NSRP1: variants seen among roughly 807,000 people sequenced by gnomAD.
NSRP1 encodes coiled-coil domain containing 55.
In NSRP1, 24 loss-of-function variants were observed where a neutral mutation model predicts 54.7. That is an observed-to-expected ratio of 0.44 (90% CI 0.32 to 0.62). NSRP1 has a LOEUF of 0.62. Ranked by LOEUF, NSRP1 falls within the 20% of genes least tolerant of loss-of-function variation. The pLI, the probability that NSRP1 is intolerant of heterozygous loss-of-function variation, is 0.06. For missense variants in NSRP1, 596 were observed against 651.2 expected (o/e 0.92, Z 0.92); for synonymous variants, 210 against 213.8 (o/e 0.98, Z 0.15).
chr17:30,185,816 A>T lies in NSRP1; in HGVS notation c.*142A>T. The T allele has an allele frequency of 1.1e-6, 1 of 880,648 alleles. No individual in the cohort carries two copies. Among genetic ancestry groups the T allele is most frequent in the South Asian group, 2.2e-5 (1 of 46,094 alleles). 54.6% of individuals were successfully genotyped at this position (880,648 alleles called of 1,614,324 possible). Reference sequence around the variant, plus strand: ...TTTTCAAAATTTTAAGTTAAAAGTCAGTCTTACAGCTTGGATGTTTGGATG... The same window carrying T: ...TTTTCAAAATTTTAAGTTAAAAGTCTGTCTTACAGCTTGGATGTTTGGATG... On this transcript the variant is annotated 3_prime_UTR_variant, in exon 7 of 7. Coordinates refer to ENST00000247026, the MANE Select transcript of NSRP1 (RefSeq NM_032141.4).
At position 30,147,929 on chromosome 17, in the gene NSRP1, A is replaced by G. The variant is rs987985316; in HGVS notation, c.115-24613A>G. Among the ~76,000 whole-genome samples, 5 of 151,404 alleles carry G rather than the reference A, an allele frequency of 3.3e-5. No individual in the cohort carries two copies. In the South Asian group the frequency reaches 1.0e-3, roughly 32 times the overall value. On this transcript the variant is annotated intron_variant, in intron 2 of 6. Transcript: ENST00000247026. ...CGGGTTCAAGCAATTCTCCTGTCCC[A>G]GCCTCCCGAGTAGCTGGGATTGCAG...
intron 2 of NSRP1, among the ~76,000 whole-genome samples, chr17:30,161,383 T>C (rs75481985): frequency 0.023 from 3,529 of 152,296 alleles, 132 homozygotes; most frequent in African/African-American, 0.081. Context: ...GTGGATCTGC[T>C]TTGCACTGTA....
chr17:30,120,021 A>G (rs1411899952), intron 2 of NSRP1, among the ~76,000 whole-genome samples: 2 of 152,096 alleles, frequency 1.3e-5, no homozygotes, highest in African/African-American at 4.8e-5. Flanking sequence ...CTCTCTCCCA[A>G]AAGGCTTTCC....
intron 3 of NSRP1, among the ~76,000 whole-genome samples, chr17:30,173,008 G>C (rs1256494881): frequency 6.6e-6 from 1 of 150,858 alleles, no homozygotes; most frequent in Non-Finnish European, 1.5e-5. Flanking sequence ...CTGTTGCCCA[G>C]GCTGGAGTGC....
rs1265855184 is a variant in NSRP1, at chr17:30,185,652, A to G, written c.1655A>G (p.Tyr552Cys). Residue 552 changes from tyrosine (Y) to cysteine (C), a missense_variant, in exon 7 of 7, where the codon TAT becomes TGT. Transcript: ENST00000247026. The part of the protein sequence containing the change: ...RQMARVNAKT[Y>C]IEKEDD ...ATGGCGCGGGTTAATGCAAAGACCT[A>G]TATTGAGAAAGAAGATGATTGATGG... 11 of 1,584,236 alleles carry G rather than the reference A, an allele frequency of 6.9e-6. No individual in the cohort carries two copies. The highest frequency in any genetic ancestry group is 5.8e-5 in the Admixed American group (3 of 51,632).
chr17:30,147,821 T>G (rs1238349764), intron 2 of NSRP1, among the ~76,000 whole-genome samples: 1 of 151,854 alleles, frequency 6.6e-6, no homozygotes, highest in East Asian at 1.9e-4. Flanking sequence ...AACTTTTTTT[T>G]TTTTTTTGAG....
chr17:30,152,128 A>AT (rs917535560), intron 2 of NSRP1, among the ~76,000 whole-genome samples: 65 of 133,940 alleles, frequency 4.9e-4, no homozygotes, highest in South Asian at 4.7e-3. Flanking sequence ...ATTTGAAATA[A>AT]TTTTTTTTTT....
In NSRP1 at chr17:30,184,728, C is replaced by T. The variant is rs752326325; in HGVS notation, c.731C>T (p.Pro244Leu). The T allele has an allele frequency of 5.0e-6, 8 of 1,613,766 alleles. No individual in the cohort carries two copies. The East Asian group carries it at 1.6e-4, about 31-fold the overall frequency. The change falls in exon 7 of 7, where the codon CCA becomes CTA. Residue 244 changes from proline to leucine, a missense_variant. By Grantham distance (98) the Pro-to-Leu change is moderately conservative (BLOSUM62 -3). Coordinates refer to ENST00000247026, the MANE Select transcript of NSRP1 (RefSeq NM_032141.4). Reference sequence around the variant, plus strand: ...ACTGATGTGAAAGTAGAGGAAAACCCAGATGCAGACAGTGACTTCGATGCT... The same window carrying T: ...ACTGATGTGAAAGTAGAGGAAAACCTAGATGCAGACAGTGACTTCGATGCT... The part of the protein sequence containing the change: ...LQTDVKVEEN[P>L]DADSDFDAKS...
chr17:30,117,493 C>T (rs2071547905), intron 1 of NSRP1: 1 of 418,484 alleles, frequency 2.4e-6, no homozygotes, highest in South Asian at 8.3e-5. Flanking sequence ...GGAGTTGGAT[C>T]TGATGGGATG....
intron 2 of NSRP1, among the ~76,000 whole-genome samples, chr17:30,149,337 A>G (rs563466627): frequency 1.3e-5 from 2 of 152,272 alleles, no homozygotes; most frequent in Admixed American, 6.5e-5. Flanking sequence ...GGTTTGAGCT[A>G]CTGCACCTGG....
In NSRP1 at chr17:30,185,613, A is replaced by G; in HGVS notation, c.1616A>G (p.Tyr539Cys). Reference protein sequence around the residue: ...EETVMSARDRYLARQMARVNA... With the variant: ...EETVMSARDRCLARQMARVNA... ...ACTGTAATGTCAGCTAGAGACAGGT[A>G]CTTGGCCAGGCAGATGGCGCGGGTT... Residue 539 changes from tyrosine (Y) to cysteine (C), a missense_variant, in exon 7 of 7, where the codon TAC (tyrosine) becomes TGC (cysteine). Physicochemically the swap from Tyr to Cys is radical, Grantham distance 194. Coordinates refer to ENST00000247026, the MANE Select transcript of NSRP1 (RefSeq NM_032141.4). 1 of 1,613,392 alleles carries G rather than the reference A, an allele frequency of 6.2e-7. No individual in the cohort carries two copies. The highest frequency in any genetic ancestry group is 8.5e-7 in the Non-Finnish European group (1 of 1,179,814).
At chr17:30,175,282 T>C (rs1189491971) in intron 3 of NSRP1, among the ~76,000 whole-genome samples, 1 of 152,236 alleles carries the variant, frequency 6.6e-6, no homozygotes, top group Non-Finnish European at 1.5e-5. Flanking sequence ...TTTTCTGATT[T>C]GCATTATGAT....
intron 2 of NSRP1, chr17:30,163,084 C>G (rs1486077662): frequency 6.6e-6 from 1 of 151,704 alleles, no homozygotes. Context: ...GGGGCTTCAT[C>G]AGGTTGGCCA....
chr17:30,170,072 C>G (rs1904873533), intron 2 of NSRP1, among the ~76,000 whole-genome samples: 1 of 151,722 alleles, frequency 6.6e-6, no homozygotes, highest in Admixed American at 6.6e-5. Context: ...CCCTTGCCCC[C>G]ACAAATGAAA....
chr17:30,147,021 A>C (rs2071861890), intron 2 of NSRP1, among the ~76,000 whole-genome samples: 1 of 152,214 alleles, frequency 6.6e-6, no homozygotes, highest in African/African-American at 2.4e-5. Context: ...CTTAGTGGGC[A>C]TTCTGACCTG....
At chr17:30,136,627 A>G (rs1191162912) in intron 2 of NSRP1, among the ~76,000 whole-genome samples, 1 of 152,184 alleles carries the variant, frequency 6.6e-6, no homozygotes, top group Admixed American at 6.5e-5. Flanking sequence ...TTTTTTTAAT[A>G]AGTCATTGAT....
intron 2 of NSRP1, among the ~76,000 whole-genome samples, chr17:30,169,262 A>G (rs768162178): frequency 1.3e-5 from 2 of 152,094 alleles, no homozygotes; most frequent in East Asian, 3.8e-4. Flanking sequence ...AGAATCTTCC[A>G]TAACAACCAA....
intron 2 of NSRP1, among the ~76,000 whole-genome samples, chr17:30,167,769 A>G (rs955589682): frequency 7.9e-5 from 12 of 152,332 alleles, no homozygotes; most frequent in East Asian, 1.9e-4. Context: ...CATTGATACT[A>G]TGGAGTAGAT....
At chr17:30,124,761 G>C (rs1320032649) in intron 2 of NSRP1, among the ~76,000 whole-genome samples, 1 of 152,220 alleles carries the variant, frequency 6.6e-6, no homozygotes, top group Non-Finnish European at 1.5e-5. Flanking sequence ...AAAGCCAATG[G>C]ACAAGGGAGC....
Sources: allele counts gnomAD v4.1 joint callset (sites outside exome capture counted in the v4.1 genomes callset), GRCh38; gene constraint gnomAD v4.1.1; transcripts MANE v1.5; gene names NCBI Gene and HGNC (gene_info 2026-07-23, HGNC 2026-07-21).